The following NRXN3 variants were observed in gnomAD, a reference collection of about 807,000 sequenced individuals.
NRXN3 encodes neurexin III.
In NRXN3, 32 loss-of-function variants were observed where a neutral mutation model predicts 137.6. The ratio of observed to expected loss-of-function variants is 0.23; its 90% CI spans 0.18 to 0.31. The LOEUF is 0.31. Ranked by LOEUF, NRXN3 falls within the 10% of genes least tolerant of loss-of-function variation. The pLI, the probability that NRXN3 is intolerant of heterozygous loss-of-function variation, is 1.00. For synonymous variants in NRXN3, 798 were observed against 784.5 expected (o/e 1.02, Z -0.29); for missense variants, 1,574 against 2,062.5 (o/e 0.76, Z 4.59).
Position 79,624,810 on chromosome 14 carries a change from TTTG to T in NRXN3, c.3445-38965_3445-38963del, listed in dbSNP as rs796163129. ...TTTCCCGTTTTTTTTTTTGTTTGTT[TTTG>T]TTTTTTTTTAAACAAGATCTCACAC... On this transcript the variant is annotated intron_variant, in intron 16 of 20. Coordinates refer to ENST00000335750, the MANE Select transcript of NRXN3 (RefSeq NM_001330195.2). Among the ~76,000 whole-genome samples, 45 of 147,870 alleles carry T rather than the reference TTTG, an allele frequency of 3.0e-4. 1 individual carries two copies. Among genetic ancestry groups the T allele is most frequent in the African/African-American group, 1.0e-3 (39 of 39,004 alleles).
intron 4 of NRXN3, among the ~76,000 whole-genome samples, chr14:78,304,315 G>C (rs146704421): frequency 1.6e-3 from 238 of 152,342 alleles, no homozygotes; most frequent in African/African-American, 5.5e-3. Flanking sequence ...TCAGAGAAAA[G>C]AAGGACTATG....
At chr14:78,457,867 G>A (rs557233818) in intron 4 of NRXN3, among the ~76,000 whole-genome samples, 7 of 152,206 alleles carry the variant, frequency 4.6e-5, no homozygotes, top group South Asian at 2.1e-4. Flanking sequence ...GTGATCTCTT[G>A]CATTAGTTCT....
At chr14:79,346,714 T>C (rs1002128341) in intron 15 of NRXN3, among the ~76,000 whole-genome samples, 1 of 152,180 alleles carries the variant, frequency 6.6e-6, no homozygotes, top group Non-Finnish European at 1.5e-5. Context: ...GTGTTTTTCC[T>C]GTATGCTTAG....
intron 15 of NRXN3, among the ~76,000 whole-genome samples, chr14:79,173,185 A>C (rs1233392043): frequency 6.6e-6 from 1 of 152,184 alleles, no homozygotes; most frequent in Non-Finnish European, 1.5e-5. Flanking sequence ...CAAAACAAGA[A>C]TCCTATATGC....
intron 4 of NRXN3, among the ~76,000 whole-genome samples, chr14:78,633,260 A>AAAAAAAAAAAAG (rs777062744): frequency 8.2e-4 from 121 of 148,350 alleles, no homozygotes; most frequent in Admixed American, 1.6e-3. Context: ...TCAAAAAAAA[A>AAAAAAAAAAAAG]AAAAAAAAGA....
intron 15 of NRXN3, among the ~76,000 whole-genome samples, chr14:78,997,688 A>G (rs1337063460): frequency 6.6e-6 from 1 of 152,210 alleles, no homozygotes; most frequent in East Asian, 1.9e-4. Context: ...ACATCCAGCA[A>G]AATGCATAGA....
At chr14:79,646,603 C>T (rs1331064734) in intron 16 of NRXN3, among the ~76,000 whole-genome samples, 1 of 134,804 alleles carries the variant, frequency 7.4e-6, no homozygotes, top group East Asian at 2.0e-4. Flanking sequence ...AATGTACCAA[C>T]CTCCAAGTCA....
At chr14:78,402,307 T>C (rs1168964254) in intron 4 of NRXN3, among the ~76,000 whole-genome samples, 1 of 152,232 alleles carries the variant, frequency 6.6e-6, no homozygotes, top group Admixed American at 6.5e-5. Context: ...CTTGGAATTT[T>C]AAAAAATCAC....
chr14:79,399,296 AT>A (rs1393187549), intron 15 of NRXN3, among the ~76,000 whole-genome samples: 1 of 152,150 alleles, frequency 6.6e-6, no homozygotes, highest in African/African-American at 2.4e-5. Context: ...GTACACTTTT[AT>A]TGCTGACACT....
intron 15 of NRXN3, among the ~76,000 whole-genome samples, chr14:79,233,881 T>C (rs2072734467): frequency 6.6e-6 from 1 of 152,124 alleles, no homozygotes. Context: ...TTCTAAATAT[T>C]CTTTCAGATC....
At chr14:78,489,964 G>C (rs2095634063) in intron 4 of NRXN3, among the ~76,000 whole-genome samples, 1 of 151,432 alleles carries the variant, frequency 6.6e-6, no homozygotes. Flanking sequence ...ACCCAGGCTG[G>C]AGTGCAGTGG....
chr14:78,741,779 T>G (rs1048893407), intron 8 of NRXN3, among the ~76,000 whole-genome samples: 9 of 152,202 alleles, frequency 5.9e-5, no homozygotes, highest in African/African-American at 1.9e-4. Flanking sequence ...TTATTCATCT[T>G]GTATAACCAA....
intron 4 of NRXN3, among the ~76,000 whole-genome samples, chr14:78,625,252 G>A (rs931055974): frequency 2.0e-5 from 3 of 152,142 alleles, no homozygotes; most frequent in African/African-American, 2.4e-5. Flanking sequence ...TGAGAAACAC[G>A]AGGGATTATT....
chr14:78,240,267 T>G (rs1280624946), intron 1 of NRXN3, among the ~76,000 whole-genome samples: 1 of 152,152 alleles, frequency 6.6e-6, no homozygotes, highest in East Asian at 1.9e-4. Context: ...AACAATAACT[T>G]GAGCATACCC....
intron 16 of NRXN3, among the ~76,000 whole-genome samples, chr14:79,476,993 A>C (rs2096565398): frequency 1.3e-5 from 2 of 152,078 alleles, no homozygotes; most frequent in African/African-American, 4.8e-5. Flanking sequence ...GGATTGTTGG[A>C]GATGTGAAGA....
chr14:78,575,799 T>G (rs933752976), intron 4 of NRXN3, among the ~76,000 whole-genome samples: 6 of 152,154 alleles, frequency 3.9e-5, no homozygotes, highest in Admixed American at 2.6e-4. Flanking sequence ...AAGACATGGA[T>G]AGACAGGAAG....
intron 15 of NRXN3, among the ~76,000 whole-genome samples, chr14:79,434,520 A>C (rs1286101950): frequency 2.0e-5 from 3 of 152,246 alleles, no homozygotes; most frequent in African/African-American, 7.2e-5. Flanking sequence ...AGGCATTCAA[A>C]AATGAACAAT....
At chr14:79,758,768 A>G (rs1301994465) in intron 19 of NRXN3, among the ~76,000 whole-genome samples, 1 of 152,116 alleles carries the variant, frequency 6.6e-6, no homozygotes, top group Non-Finnish European at 1.5e-5. Context: ...GATTATACAC[A>G]CTCAGCATTG....
At chr14:78,508,231 A>G (rs1450662816) in intron 4 of NRXN3, among the ~76,000 whole-genome samples, 1 of 152,184 alleles carries the variant, frequency 6.6e-6, no homozygotes, top group Non-Finnish European at 1.5e-5. Flanking sequence ...GTATTTACCA[A>G]TCTTCTGTAA....
Sources: allele counts gnomAD v4.1 joint callset (sites outside exome capture counted in the v4.1 genomes callset), GRCh38; gene constraint gnomAD v4.1.1; transcripts MANE v1.5; gene names NCBI Gene and HGNC (gene_info 2026-07-23, HGNC 2026-07-21).